Variants in SLC71A2 observed in about 807,000 individuals in gnomAD.
The protein encoded by SLC71A2 is solute carrier family 71 member 2, also known as hippocampus abundant transcript-like 1.
the SLC71A2 span, among the ~76,000 whole-genome samples, chr9:94,376,335 C>A: frequency 1.3e-5 from 2 of 151,128 alleles, no homozygotes; most frequent in East Asian, 3.9e-4. Flanking sequence ...GGTTTTTATC[C>A]TCTCCTATGC....
At chr9:94,383,757 C>G in the SLC71A2 span, among the ~76,000 whole-genome samples, 1 of 151,912 alleles carries the variant, frequency 6.6e-6, no homozygotes, top group Non-Finnish European at 1.5e-5. Flanking sequence ...TTGATCAAGT[C>G]TTCTGATGCA....
chr9:94,401,092 T>A, the SLC71A2 span, among the ~76,000 whole-genome samples: 1 of 152,150 alleles, frequency 6.6e-6, no homozygotes, highest in Non-Finnish European at 1.5e-5. Context: ...CTTTTCCTTT[T>A]TTTTTTTTGA....
At chr9:94,426,909 A>T in the SLC71A2 span, among the ~76,000 whole-genome samples, 1 of 152,174 alleles carries the variant, frequency 6.6e-6, no homozygotes, top group Non-Finnish European at 1.5e-5. Flanking sequence ...ATCATAGCTC[A>T]CTGCAGACTT....
the SLC71A2 span, among the ~76,000 whole-genome samples, chr9:94,423,460 G>A: frequency 6.6e-6 from 1 of 152,034 alleles, no homozygotes; most frequent in African/African-American, 2.4e-5. Flanking sequence ...ACCTTCTGAG[G>A]TCTCTTCAGC....
chr9:94,381,572 A>T, the SLC71A2 span, among the ~76,000 whole-genome samples: 85 of 152,346 alleles, frequency 5.6e-4, no homozygotes, highest in African/African-American at 2.0e-3. Context: ...ATTACAAATA[A>T]AGCTGCTGTG....
chr9:94,407,612 T>G, the SLC71A2 span, among the ~76,000 whole-genome samples: 1 of 152,040 alleles, frequency 6.6e-6, no homozygotes, highest in Non-Finnish European at 1.5e-5. Context: ...CTCTTGACCT[T>G]GTGATCCACC....
At chr9:94,446,914 GT>G in the SLC71A2 span, 2 of 1,600,714 alleles carry the variant, frequency 1.2e-6, no homozygotes, top group Non-Finnish European at 1.7e-6. Context: ...CAGTATTCAA[GT>G]TTTTTTCTCT....
chr9:94,438,760 A>T, the SLC71A2 span, among the ~76,000 whole-genome samples: 10 of 152,208 alleles, frequency 6.6e-5, no homozygotes, highest in Non-Finnish European at 1.2e-4. Context: ...TTAGGTGAAG[A>T]AGTAGAAATA....
At chr9:94,456,856 C>T in the SLC71A2 span, among the ~76,000 whole-genome samples, 1 of 152,162 alleles carries the variant, frequency 6.6e-6, no homozygotes, top group South Asian at 2.1e-4. Context: ...TGGAAAATAG[C>T]ATTCTACCAT....
the SLC71A2 span, among the ~76,000 whole-genome samples, chr9:94,377,899 G>A: frequency 6.6e-6 from 1 of 152,108 alleles, no homozygotes; most frequent in African/African-American, 2.4e-5. Flanking sequence ...AAGGTCAAGA[G>A]ATCAAGACCA....
the SLC71A2 span, chr9:94,451,660 G>A: frequency 2.1e-6 from 1 of 479,394 alleles, no homozygotes; most frequent in Non-Finnish European, 3.7e-6. Flanking sequence ...CCCCTGCTAT[G>A]GTAAGGTCTT....
the SLC71A2 span, among the ~76,000 whole-genome samples, chr9:94,446,321 G>GT: frequency 1.3e-5 from 2 of 152,322 alleles, no homozygotes; most frequent in South Asian, 4.1e-4. Flanking sequence ...CATTCAACAA[G>GT]TTCTTACCAG....
At chr9:94,379,984 T>G in the SLC71A2 span, among the ~76,000 whole-genome samples, 338 of 152,308 alleles carry the variant, frequency 2.2e-3, 4 homozygotes, top group African/African-American at 7.5e-3. Context: ...TTTCTCAGTT[T>G]CAGCTGGACG....
chr9:94,449,976 G>A, the SLC71A2 span, among the ~76,000 whole-genome samples: 108,399 of 152,188 alleles, frequency 0.71, 40,163 homozygotes, highest in African/African-American at 0.93. Context: ...ACTGCACATT[G>A]TATGATTTCA....
At chr9:94,406,675 A>G in the SLC71A2 span, among the ~76,000 whole-genome samples, 3 of 152,248 alleles carry the variant, frequency 2.0e-5, no homozygotes, top group Non-Finnish European at 2.9e-5. Context: ...ACTCAGCCCA[A>G]TTTGAATTTT....
At chr9:94,377,781 A>T in the SLC71A2 span, among the ~76,000 whole-genome samples, 1 of 151,720 alleles carries the variant, frequency 6.6e-6, no homozygotes. Context: ...AGAATCAAGT[A>T]TTTACTCCAA....
At chr9:94,437,637 T>C in the SLC71A2 span, among the ~76,000 whole-genome samples, 12 of 151,300 alleles carry the variant, frequency 7.9e-5, no homozygotes, top group African/African-American at 2.7e-4. Context: ...TACACTCCTC[T>C]TCTTTATCCC....
the SLC71A2 span, among the ~76,000 whole-genome samples, chr9:94,412,308 G>A: frequency 6.6e-6 from 1 of 152,152 alleles, no homozygotes. Flanking sequence ...TTGATTAGGT[G>A]ACATAAGATG....
the SLC71A2 span, among the ~76,000 whole-genome samples, chr9:94,423,094 G>T: frequency 6.7e-6 from 1 of 150,218 alleles, no homozygotes; most frequent in African/African-American, 2.4e-5. Flanking sequence ...GTGCCACCAA[G>T]CCTGGCTAAT....
Sources: gnomAD v4.1 joint callset for allele counts (sites outside exome capture counted in the v4.1 genomes callset) on GRCh38, gnomAD v4.1.1 for gene constraint, MANE v1.5 for transcripts, NCBI Gene and HGNC (gene_info 2026-07-23, HGNC 2026-07-21) for gene names.